Variants in PRKCA observed in about 807,000 individuals in gnomAD.
The protein encoded by PRKCA is protein kinase C alpha type.
PRKCA carries 27 observed loss-of-function variants against 87.0 expected under a neutral mutation model. The ratio of observed to expected loss-of-function variants is 0.31; its 90% CI spans 0.23 to 0.43. PRKCA has a LOEUF of 0.43. PRKCA is among the 20% of genes least tolerant of loss of function. PRKCA has a pLI of 1.00. For synonymous variants in PRKCA, 329 were observed against 311.1 expected, an observed-to-expected ratio of 1.06 and a Z score of -0.61; for missense variants, 518 against 852.3, an observed-to-expected ratio of 0.61 and a Z score of 4.88.
chr17:66,654,167 C>T (rs1012294027), intron 5 of PRKCA, among the ~76,000 whole-genome samples: 4 of 152,208 alleles, frequency 2.6e-5, no homozygotes. Flanking sequence ...CCTTATTATC[C>T]AATGATCTCT....
intron 3 of PRKCA, among the ~76,000 whole-genome samples, chr17:66,611,375 C>A (rs1391766762): frequency 1.3e-5 from 2 of 152,178 alleles, no homozygotes; most frequent in African/African-American, 4.8e-5. Context: ...CCCTTGGCAA[C>A]CACTAATCTA....
chr17:66,642,407 G>C (rs1971324164), intron 4 of PRKCA, among the ~76,000 whole-genome samples: 1 of 152,096 alleles, frequency 6.6e-6, no homozygotes, highest in Non-Finnish European at 1.5e-5. Flanking sequence ...GGGATTATAG[G>C]GGTGAGTCAC....
intron 3 of PRKCA, among the ~76,000 whole-genome samples, chr17:66,581,249 G>A (rs1202834261): frequency 2.0e-5 from 3 of 152,118 alleles, no homozygotes; most frequent in African/African-American, 4.8e-5. Flanking sequence ...CTTTGCAGGC[G>A]CATATGGTCT....
intron 2 of PRKCA, among the ~76,000 whole-genome samples, chr17:66,308,328 C>T (rs768608708): frequency 6.6e-6 from 1 of 152,030 alleles, no homozygotes; most frequent in Non-Finnish European, 1.5e-5. Flanking sequence ...ACATTTTTTA[C>T]CAATCTGGTA....
intron 3 of PRKCA, 133 bp from the exon 4 acceptor site, chr17:66,641,222 A>G (rs1445993324): frequency 2.5e-5 from 14 of 568,116 alleles, no homozygotes; most frequent in Non-Finnish European, 4.5e-5. Context: ...GTGTGACTCC[A>G]GAGAATGATG....
chr17:66,523,259 T>C (rs958384013), intron 3 of PRKCA, among the ~76,000 whole-genome samples: 1 of 152,158 alleles, frequency 6.6e-6, no homozygotes, highest in East Asian at 1.9e-4. Flanking sequence ...TGGGATACTT[T>C]CCAAAATGCA....
intron 2 of PRKCA, among the ~76,000 whole-genome samples, chr17:66,490,687 TCTC>T (rs1479298937): frequency 3.9e-5 from 6 of 152,002 alleles, no homozygotes; most frequent in African/African-American, 1.4e-4. Flanking sequence ...TTCAAGCAAT[TCTC>T]CTGCCTCAGC....
intron 3 of PRKCA, among the ~76,000 whole-genome samples, chr17:66,576,101 C>A (rs1258493975): frequency 6.6e-6 from 1 of 152,240 alleles, no homozygotes; most frequent in East Asian, 1.9e-4. Flanking sequence ...GCGACACACC[C>A]AGACTCCATC....
intron 3 of PRKCA, among the ~76,000 whole-genome samples, chr17:66,605,201 G>T (rs1970171279): frequency 1.3e-5 from 2 of 152,198 alleles, no homozygotes; most frequent in African/African-American, 4.8e-5. Flanking sequence ...TTATTAGATG[G>T]CTACTGATCA....
chr17:66,522,302 A>C (rs1967187325), intron 3 of PRKCA, among the ~76,000 whole-genome samples: 1 of 152,144 alleles, frequency 6.6e-6, no homozygotes, highest in African/African-American at 2.4e-5. Flanking sequence ...TATAATGCCC[A>C]CTTTTTTTTC....
At chr17:66,655,244 G>A (rs557602779) in intron 5 of PRKCA, among the ~76,000 whole-genome samples, 1 of 152,172 alleles carries the variant, frequency 6.6e-6, no homozygotes, top group Non-Finnish European at 1.5e-5. Context: ...CTTCTTCCTT[G>A]ATTGGGCATT....
intron 2 of PRKCA, chr17:66,415,587 C>G (rs968137883): frequency 2.0e-5 from 3 of 152,188 alleles, no homozygotes; most frequent in South Asian, 2.1e-4. Context: ...AAGCATTCTT[C>G]TTTGTTTCCA....
chr17:66,505,194 G>C (rs574172770), intron 3 of PRKCA, among the ~76,000 whole-genome samples: 90 of 152,222 alleles, frequency 5.9e-4, no homozygotes, highest in Admixed American at 1.0e-3. Context: ...GCTGCACTTG[G>C]ACCAAATTAA....
At chr17:66,369,519 G>T (rs912999755) in intron 2 of PRKCA, among the ~76,000 whole-genome samples, 2 of 152,196 alleles carry the variant, frequency 1.3e-5, no homozygotes, top group Admixed American at 6.5e-5. Context: ...AAAGCAGTTG[G>T]TGCTGGGATG....
At chr17:66,400,433 T>C (rs1910955401) in intron 2 of PRKCA, among the ~76,000 whole-genome samples, 1 of 152,236 alleles carries the variant, frequency 6.6e-6, no homozygotes, top group South Asian at 2.1e-4. Flanking sequence ...ATTACAGGTA[T>C]GAGCAACCAT....
At position 66,571,866 on chromosome 17, in the gene PRKCA, G is replaced by T. The variant is rs115497548; in HGVS notation, c.289-69489G>T. 3.8e-3 allele frequency among the ~76,000 whole-genome samples: 577 copies of T among 152,326 alleles called. 9 individuals carry two copies. The highest frequency in any genetic ancestry group is 0.013 in the African/African-American group (526 of 41,586). The stretch of plus-strand genomic sequence containing the variant: ...GTTTTGCTTTTGAAATACGAAGCCT[G>T]TTGGATGCCATGGAAAGCCAGATAA... On this transcript the variant is annotated intron_variant, in intron 3 of 16. Coordinates refer to ENST00000413366, the MANE Select transcript of PRKCA (RefSeq NM_002737.3).
chr17:66,679,282 G>A (rs1972426133), intron 5 of PRKCA, among the ~76,000 whole-genome samples: 1 of 148,728 alleles, frequency 6.7e-6, no homozygotes, highest in Non-Finnish European at 1.5e-5. Context: ...CCGGGTTCAC[G>A]CCATTCTCCT....
chr17:66,739,162 G>A (rs143089353), intron 11 of PRKCA, among the ~76,000 whole-genome samples: 60 of 152,252 alleles, frequency 3.9e-4, no homozygotes, highest in East Asian at 3.5e-3. Context: ...GATTACAGGC[G>A]TGAGTGAGCC....
intron 3 of PRKCA, among the ~76,000 whole-genome samples, chr17:66,631,715 A>G (rs1276727923): frequency 6.6e-6 from 1 of 152,196 alleles, no homozygotes; most frequent in African/African-American, 2.4e-5. Context: ...TTGGATTGTA[A>G]CTCAATGGAT....
Sources: allele counts gnomAD v4.1 joint callset (sites outside exome capture counted in the v4.1 genomes callset), GRCh38; gene constraint gnomAD v4.1.1; transcripts MANE v1.5; gene names NCBI Gene and HGNC (gene_info 2026-07-23, HGNC 2026-07-21).